Variants in SPATA16 observed in about 807,000 individuals in gnomAD.
SPATA16 encodes the protein spermatogenesis-associated protein 16.
Under a neutral mutation model 63.3 loss-of-function variants are expected in SPATA16, and 36 were observed. The ratio of observed to expected loss-of-function variants is 0.57; its 90% CI spans 0.44 to 0.75. SPATA16 has a LOEUF of 0.75. Among genes scored for constraint, SPATA16 ranks in the 30% least tolerant of loss-of-function variants. The pLI, the probability that SPATA16 is intolerant of heterozygous loss-of-function variation, is 0.00. For missense variants in SPATA16, 646 were observed against 679.3 expected (o/e 0.95, Z 0.54); for synonymous variants, 203 against 216.7 (o/e 0.94, Z 0.56).
chr3:172,997,097 G>T (rs1734710443), intron 4 of SPATA16, among the ~76,000 whole-genome samples: 1 of 152,172 alleles, frequency 6.6e-6, no homozygotes, highest in Non-Finnish European at 1.5e-5. Flanking sequence ...ATAAATATCA[G>T]TGTGCAGGTT....
chr3:173,110,551 A>T (rs181469908), intron 2 of SPATA16, among the ~76,000 whole-genome samples: 1 of 152,348 alleles, frequency 6.6e-6, no homozygotes, highest in East Asian at 1.9e-4. Context: ...CAGGGAAGTG[A>T]GGTACTTGAG....
chr3:172,995,874 G>A (rs941867247), intron 4 of SPATA16, among the ~76,000 whole-genome samples: 13 of 151,932 alleles, frequency 8.6e-5, no homozygotes, highest in African/African-American at 3.1e-4. Flanking sequence ...TTACATAATT[G>A]TAGTACTACA....
intron 1 of SPATA16, among the ~76,000 whole-genome samples, chr3:173,123,768 T>C (rs1449251754): frequency 6.6e-6 from 1 of 151,810 alleles, no homozygotes; most frequent in African/African-American, 2.4e-5. Flanking sequence ...CATGCCCAGC[T>C]AATTTTTGTA....
At chr3:172,975,918 G>A (rs1734148877) in intron 5 of SPATA16, among the ~76,000 whole-genome samples, 1 of 151,868 alleles carries the variant, frequency 6.6e-6, no homozygotes, top group African/African-American at 2.4e-5. Context: ...TAGTGAAAAT[G>A]TGGGGGGAAA....
At chr3:173,118,821 T>C (rs911591008) in intron 1 of SPATA16, among the ~76,000 whole-genome samples, 3 of 152,186 alleles carry the variant, frequency 2.0e-5, no homozygotes, top group African/African-American at 7.2e-5. Context: ...ATGAGGTTCT[T>C]TAGTATAGCT....
At chr3:172,939,881 T>G (rs903542232) in intron 6 of SPATA16, among the ~76,000 whole-genome samples, 1 of 152,212 alleles carries the variant, frequency 6.6e-6, no homozygotes, top group Non-Finnish European at 1.5e-5. Flanking sequence ...AGGCTTGGAA[T>G]GTTCAGCTTC....
At chr3:173,073,980 G>A (rs952090800) in intron 2 of SPATA16, among the ~76,000 whole-genome samples, 3 of 152,212 alleles carry the variant, frequency 2.0e-5, no homozygotes, top group African/African-American at 7.2e-5. Flanking sequence ...GAGACATGGA[G>A]TCAAAGGAGA....
intron 10 of SPATA16, among the ~76,000 whole-genome samples, chr3:172,898,275 T>C (rs1218103798): frequency 6.6e-6 from 1 of 151,962 alleles, no homozygotes; most frequent in African/African-American, 2.4e-5. Context: ...TTGGGAAGGG[T>C]TTGCTACTCT....
At chr3:173,089,475 C>G (rs775551209) in intron 2 of SPATA16, among the ~76,000 whole-genome samples, 19 of 152,146 alleles carry the variant, frequency 1.2e-4, no homozygotes, top group Non-Finnish European at 2.5e-4. Context: ...GAGTTAACAG[C>G]TGTAATGGAG....
chr3:173,117,395 G>T lies in SPATA16; in HGVS notation c.337C>A (p.Pro113Thr). ...LDNQLITMPL[P>T]HIPLKNIMDV... ...ATTATGTTCTTTAAGGGGATGTGAG[G>T]CAGAGGCATGGTGATTAACTGATTG... The change falls in exon 2 of 11, where the codon CCT becomes ACT. Residue 113 changes from proline to threonine, a missense_variant. Pro to Thr is a conservative substitution (Grantham distance 38). Coordinates refer to ENST00000351008, the MANE Select transcript of SPATA16 (RefSeq NM_031955.6). 1.2e-6 allele frequency: 2 copies of T among 1,614,114 alleles called. No individual in the cohort carries two copies. The highest frequency in any genetic ancestry group is 2.2e-5 in the South Asian group (2 of 91,084).
intron 5 of SPATA16, among the ~76,000 whole-genome samples, chr3:172,962,845 GATA>G (rs771624681): frequency 7.2e-5 from 11 of 152,070 alleles, no homozygotes; most frequent in South Asian, 6.2e-4. Flanking sequence ...TTTAAATGAT[GATA>G]ATAATTTTCT....
intron 2 of SPATA16, among the ~76,000 whole-genome samples, chr3:173,091,152 C>CT (rs1395752149): frequency 2.0e-5 from 3 of 152,088 alleles, no homozygotes; most frequent in African/African-American, 4.8e-5. Context: ...GACCTAGCTC[C>CT]TTTTTTATCA....
chr3:173,133,428 A>G (rs111774562), intron 1 of SPATA16, among the ~76,000 whole-genome samples: 1 of 152,084 alleles, frequency 6.6e-6, no homozygotes, highest in African/African-American at 2.4e-5. Flanking sequence ...TCTTTTGCCA[A>G]ATTTCTTCAT....
chr3:172,977,231 T>G (rs185826452), intron 4 of SPATA16, among the ~76,000 whole-genome samples, 179 bp from the exon 5 acceptor site: 8 of 151,916 alleles, frequency 5.3e-5, no homozygotes, highest in South Asian at 2.1e-4. Context: ...GGGATTTTTT[T>G]GGGGAGGTAG....
intron 4 of SPATA16, among the ~76,000 whole-genome samples, chr3:172,990,670 T>C (rs987078778): frequency 1.3e-5 from 2 of 152,156 alleles, no homozygotes; most frequent in African/African-American, 4.8e-5. Flanking sequence ...AGGAAGGATA[T>C]GAAAAGATGT....
intron 6 of SPATA16, among the ~76,000 whole-genome samples, chr3:172,932,846 T>C (rs1732901740): frequency 6.6e-6 from 1 of 152,056 alleles, no homozygotes; most frequent in African/African-American, 2.4e-5. Context: ...TAGACAGAAA[T>C]AGAAAAAAAA....
intron 4 of SPATA16, among the ~76,000 whole-genome samples, chr3:173,002,338 G>C (rs1734845818): frequency 1.3e-5 from 2 of 152,166 alleles, no homozygotes; most frequent in African/African-American, 4.8e-5. Flanking sequence ...TGGGGAAAAA[G>C]AGACAAAGAC....
chr3:173,105,169 A>C (rs1235073452), intron 2 of SPATA16, among the ~76,000 whole-genome samples: 5 of 152,224 alleles, frequency 3.3e-5, no homozygotes, highest in Admixed American at 2.6e-4. Context: ...GTGCCAATAC[A>C]TAAAATTTTG....
intron 6 of SPATA16, among the ~76,000 whole-genome samples, chr3:172,941,471 T>C (rs1733145596): frequency 6.6e-6 from 1 of 152,184 alleles, no homozygotes; most frequent in Non-Finnish European, 1.5e-5. Context: ...GAAGATTATC[T>C]ACAAAGGAAT....
Sources: gnomAD v4.1 joint callset for allele counts (sites outside exome capture counted in the v4.1 genomes callset) on GRCh38, gnomAD v4.1.1 for gene constraint, MANE v1.5 for transcripts, NCBI Gene and HGNC (gene_info 2026-07-23, HGNC 2026-07-21) for gene names.